The following TENM2 variants were observed in gnomAD, a reference collection of about 807,000 sequenced individuals.
The protein encoded by TENM2 is teneurin-2.
TENM2 carries 52 observed loss-of-function variants against 245.2 expected under a neutral mutation model. The observed-to-expected ratio is 0.21, with a 90% CI of 0.17 to 0.27. TENM2 has a LOEUF of 0.27. TENM2 is among the 10% of genes least tolerant of loss of function. TENM2 has a pLI of 1.00. For synonymous variants in TENM2, 1,363 were observed against 1,438.9 expected (o/e 0.95, Z 1.19); for missense variants, 3,046 against 3,666.8 (o/e 0.83, Z 4.37).
rs1434315590 is a variant in TENM2, at chr5:167,688,823, A to G, written c.503-187163A>G. ...TATTGACTTATTCCACAGCATTCTC[A>G]GGCTGGGTGATTTTATTTCACTTTT... On this transcript the variant is annotated intron_variant, in intron 2 of 28. Transcript: ENST00000518659. Among the ~76,000 whole-genome samples the G allele has an allele frequency of 2.6e-5, 4 of 152,236 alleles. No individual in the cohort carries two copies. In the South Asian group the frequency reaches 6.2e-4, roughly 24 times the overall value.
chr5:167,878,536 G>C (rs2151393991), intron 3 of TENM2, among the ~76,000 whole-genome samples: 1 of 151,646 alleles, frequency 6.6e-6, no homozygotes, highest in Non-Finnish European at 1.5e-5. Flanking sequence ...TAGCTAAAAT[G>C]AGAGCAAATC....
the TENM2 span, among the ~76,000 whole-genome samples, chr5:167,155,548 G>A: frequency 1.3e-5 from 2 of 152,164 alleles, no homozygotes; most frequent in Non-Finnish European, 2.9e-5. Context: ...CAGGACTTGG[G>A]TAGTGCTGCT....
At chr5:167,101,850 T>TATATATATATATATATATATAA in the TENM2 span, among the ~76,000 whole-genome samples, 1 of 51,526 alleles carries the variant, frequency 1.9e-5, no homozygotes, top group East Asian at 4.8e-4. Context: ...TATATATATT[T>TATATATATATATATATATATAA]ATATATATAT....
intron 4 of TENM2, among the ~76,000 whole-genome samples, chr5:167,979,148 A>G (rs923819149): frequency 9.2e-5 from 14 of 152,188 alleles, no homozygotes; most frequent in Non-Finnish European, 1.5e-4. Flanking sequence ...GATGTCTTGA[A>G]GCACCAAAGA....
the TENM2 span, among the ~76,000 whole-genome samples, chr5:167,085,069 C>T: frequency 6.6e-6 from 1 of 152,076 alleles, no homozygotes; most frequent in African/African-American, 2.4e-5. Context: ...AAAGAAATTC[C>T]TCTGCCTTTG....
the TENM2 span, among the ~76,000 whole-genome samples, chr5:167,186,624 G>GT: frequency 6.6e-6 from 1 of 152,160 alleles, no homozygotes; most frequent in East Asian, 1.9e-4. Context: ...GCCAGTCACC[G>GT]TAAAAAAGCA....
At chr5:167,440,743 GCT>G (rs762176738) in intron 2 of TENM2, among the ~76,000 whole-genome samples, 10 of 151,634 alleles carry the variant, frequency 6.6e-5, no homozygotes, top group Non-Finnish European at 1.3e-4. Context: ...TCCTTCTTCT[GCT>G]CTGTTTCTGG....
chr5:167,575,704 T>C (rs1774616332), intron 2 of TENM2, among the ~76,000 whole-genome samples: 1 of 152,134 alleles, frequency 6.6e-6, no homozygotes, highest in Non-Finnish European at 1.5e-5. Flanking sequence ...TAATTTTTCC[T>C]CATGGTTGAA....
chr5:167,086,471 T>C, the TENM2 span, among the ~76,000 whole-genome samples: 2 of 152,152 alleles, frequency 1.3e-5, no homozygotes, highest in Non-Finnish European at 2.9e-5. Context: ...AAAACCACCT[T>C]TCTTTGTATC....
chr5:167,072,813 C>A, the TENM2 span, among the ~76,000 whole-genome samples: 1 of 152,076 alleles, frequency 6.6e-6, no homozygotes, highest in East Asian at 1.9e-4. Flanking sequence ...GATGGATGAG[C>A]AAACTGTACA....
At chr5:167,853,088 C>T (rs1770732820) in intron 2 of TENM2, among the ~76,000 whole-genome samples, 2 of 150,916 alleles carry the variant, frequency 1.3e-5, no homozygotes, top group Non-Finnish European at 3.0e-5. Context: ...AGATCGAGAC[C>T]ATCCTGGCTA....
chr5:167,376,716 T>A (rs960732200), intron 2 of TENM2, among the ~76,000 whole-genome samples: 3 of 152,186 alleles, frequency 2.0e-5, no homozygotes, highest in African/African-American at 7.2e-5. Flanking sequence ...GAAAAATCTG[T>A]ACTTGACTCC....
rs537229606 is a variant in TENM2, at chr5:167,488,185, T to C, written c.502+112712T>C. On this transcript the variant is annotated intron_variant, in intron 2 of 28. Coordinates refer to ENST00000518659, the Ensembl canonical transcript of TENM2. ...TTGGATCTTAACTGTAAGCATAGTG[T>C]GTACTGCTCTATTGCATATTATTTT... Among the ~76,000 whole-genome samples, 72 of 152,326 alleles carry C rather than the reference T, an allele frequency of 4.7e-4. 1 individual carries two copies. In the Middle Eastern group the frequency reaches 0.01, roughly 22 times the overall value.
intron 2 of TENM2, among the ~76,000 whole-genome samples, chr5:167,863,283 C>T (rs1390755265): frequency 6.6e-6 from 1 of 152,034 alleles, no homozygotes; most frequent in Non-Finnish European, 1.5e-5. Context: ...CAATATGGGC[C>T]CTCTTGTGAC....
At chr5:167,545,649 T>A (rs1312873154) in intron 2 of TENM2, among the ~76,000 whole-genome samples, 3 of 152,228 alleles carry the variant, frequency 2.0e-5, no homozygotes, top group African/African-American at 4.8e-5. Flanking sequence ...AAATCTGATT[T>A]ATGCTTTCAC....
chr5:167,560,860 C>G (rs1406859645), intron 2 of TENM2, among the ~76,000 whole-genome samples: 1 of 152,144 alleles, frequency 6.6e-6, no homozygotes, highest in African/African-American at 2.4e-5. Flanking sequence ...ATTTTCCTCC[C>G]CAGGGGACAG....
At chr5:168,174,696 T>C (rs1328153923) in intron 13 of TENM2, among the ~76,000 whole-genome samples, 1 of 152,188 alleles carries the variant, frequency 6.6e-6, no homozygotes, top group Non-Finnish European at 1.5e-5. Flanking sequence ...GTGTCAGCCC[T>C]GGGCCAGCTG....
At chr5:167,601,346 T>G (rs1248174648) in intron 2 of TENM2, among the ~76,000 whole-genome samples, 1 of 152,248 alleles carries the variant, frequency 6.6e-6, no homozygotes, top group Non-Finnish European at 1.5e-5. Flanking sequence ...GGACTTGAAT[T>G]TATAATTTTC....
chr5:167,518,391 A>G (rs6866161), intron 2 of TENM2, among the ~76,000 whole-genome samples: 7,079 of 152,190 alleles, frequency 0.047, 422 homozygotes, highest in African/African-American at 0.14. Context: ...TGATTTGACC[A>G]TAAGATTAGA....
Sources: allele counts gnomAD v4.1 joint callset (sites outside exome capture counted in the v4.1 genomes callset), GRCh38; gene constraint gnomAD v4.1.1; transcripts MANE v1.5; gene names NCBI Gene and HGNC (gene_info 2026-07-23, HGNC 2026-07-21).